The following ERC2 variants were observed in gnomAD, a reference collection of about 807,000 sequenced individuals.
ERC2 encodes ELKS/RAB6-interacting/CAST family member 2.
A neutral mutation model predicts 114.8 loss-of-function variants in ERC2; 42 were observed. That is an observed-to-expected ratio of 0.37 (90% CI 0.29 to 0.47). The LOEUF is 0.47. ERC2 is among the 20% of genes least tolerant of loss of function. ERC2 has a pLI of 0.99. For synonymous variants in ERC2, 454 were observed against 425.5 expected, an observed-to-expected ratio of 1.07 and a Z score of -0.82; for missense variants, 939 against 1,150.7, an observed-to-expected ratio of 0.82 and a Z score of 2.66.
rs1576203877 is a variant in ERC2, at chr3:55,700,678, A to G, written c.2713-1166T>C. On this transcript the variant is annotated intron_variant, in intron 15 of 17. Transcript: ENST00000288221. Reference sequence around the variant, plus strand: ...CCCCCTTTCTTCACCTTTAACTTCTATGTCTGGCTAACTCAAACTATTTAA... The same window carrying G: ...CCCCCTTTCTTCACCTTTAACTTCTGTGTCTGGCTAACTCAAACTATTTAA... 2.0e-5 allele frequency among the ~76,000 whole-genome samples: 3 copies of G among 151,796 alleles called. No individual in the cohort carries two copies. The South Asian group carries it at 6.2e-4, about 32-fold the overall frequency.
intron 1 of ERC2, among the ~76,000 whole-genome samples, chr3:56,453,688 A>G (rs779385002): frequency 1.3e-5 from 2 of 152,146 alleles, no homozygotes; most frequent in Non-Finnish European, 2.9e-5. Flanking sequence ...CATACAACCA[A>G]CTATTTTAAT....
In ERC2 at chr3:56,246,095, A is replaced by C. The variant is rs1477380956; in HGVS notation, c.1074+49924T>G. On this transcript the variant is annotated intron_variant, in intron 3 of 17. Coordinates refer to ENST00000288221, the MANE Select transcript of ERC2 (RefSeq NM_015576.3). ...CATCAGTTTTTCCTCAGATTCTTTA[A>C]AAAAAAAAAAAAAAAAAAAACTCAT... Among the ~76,000 whole-genome samples the C allele has an allele frequency of 7.2e-3, 25 of 3,474 alleles. No homozygotes were observed. The Admixed American group carries it at 0.1, about 15-fold the overall frequency. The allele number at this position is 3,474 out of a possible 152,430, so 2.3% of individuals were successfully genotyped here. A position where few individuals can be genotyped will look rare whatever the true frequency, so the allele number is the denominator to read the frequency against.
intron 2 of ERC2, among the ~76,000 whole-genome samples, chr3:56,366,646 C>T (rs912539843): frequency 1.1e-4 from 17 of 152,186 alleles, no homozygotes; most frequent in African/African-American, 3.1e-4. Flanking sequence ...CAAGCCATTC[C>T]TTTTCATCCA....
At position 55,729,837 on chromosome 3, in the gene ERC2, C is replaced by CAAAAAAAAAAAAAAAAAAAAAAAA. The variant is rs71096498; in HGVS notation, c.2712+4910_2712+4933dup. ...AGGGTAATGCAGTGAGACTCTATCG[C>CAAAAAAAAAAAAAAAAAAAAAAAA]AAAAAAAAAAAAAAAAAAAAAAAAA... On this transcript the variant is annotated intron_variant, in intron 15 of 17. Coordinates refer to ENST00000288221, the MANE Select transcript of ERC2 (RefSeq NM_015576.3). 2.4e-4 allele frequency among the ~76,000 whole-genome samples: 15 copies of CAAAAAAAAAAAAAAAAAAAAAAAA among 61,636 alleles called. 4 individuals are homozygous for CAAAAAAAAAAAAAAAAAAAAAAAA. Among genetic ancestry groups the CAAAAAAAAAAAAAAAAAAAAAAAA allele is most frequent in the African/African-American group, 1.0e-3 (12 of 11,690 alleles). The allele number at this position is 61,636 out of a possible 152,430, so 40.4% of individuals were successfully genotyped here.
intron 12 of ERC2, among the ~76,000 whole-genome samples, chr3:55,953,922 GTA>G (rs1171977838): frequency 1.3e-5 from 2 of 151,920 alleles, no homozygotes; most frequent in Non-Finnish European, 2.9e-5. Flanking sequence ...GCTAAATTCA[GTA>G]CAGCTTTCAA....
chr3:56,310,981 C>A (rs2056503751), intron 2 of ERC2, among the ~76,000 whole-genome samples: 1 of 151,590 alleles, frequency 6.6e-6, no homozygotes, highest in Admixed American at 6.6e-5. Context: ...GTAGGATAGT[C>A]CTGAGAAACA....
chr3:55,776,804 A>T (rs1215449482), intron 14 of ERC2, among the ~76,000 whole-genome samples: 1 of 152,206 alleles, frequency 6.6e-6, no homozygotes. Flanking sequence ...CATACAGTGG[A>T]GTAACATAGC....
chr3:55,779,186 A>T (rs1274589775), intron 14 of ERC2, among the ~76,000 whole-genome samples: 1 of 152,080 alleles, frequency 6.6e-6, no homozygotes, highest in African/African-American at 2.4e-5. Context: ...GCTGCTTAAA[A>T]AGTTCTGGAA....
intron 17 of ERC2, among the ~76,000 whole-genome samples, chr3:55,511,971 G>T (rs1027554796): frequency 6.6e-6 from 1 of 152,222 alleles, no homozygotes; most frequent in Admixed American, 6.5e-5. Context: ...AACTTTGTGT[G>T]CCTGTGCCAT....
intron 14 of ERC2, among the ~76,000 whole-genome samples, chr3:55,872,843 C>T (rs535648518): frequency 6.6e-6 from 1 of 152,320 alleles, no homozygotes; most frequent in African/African-American, 2.4e-5. Context: ...GTCCATATTT[C>T]AGGAAAGAGC....
At chr3:55,561,017 C>T (rs11720302) in intron 17 of ERC2, among the ~76,000 whole-genome samples, 20,070 of 152,066 alleles carry the variant, frequency 0.13, 1,409 homozygotes, top group South Asian at 0.2. Context: ...CTCTTCATGG[C>T]TTGGGAAACC....
intron 2 of ERC2, among the ~76,000 whole-genome samples, chr3:56,405,426 C>CA (rs1454458064): frequency 8.7e-5 from 13 of 149,398 alleles, no homozygotes; most frequent in African/African-American, 3.0e-4. Context: ...GAATCCATCT[C>CA]AAAAAAGGAA....
chr3:55,666,551 G>A (rs1463886694), intron 17 of ERC2, among the ~76,000 whole-genome samples: 1 of 152,166 alleles, frequency 6.6e-6, no homozygotes, highest in Non-Finnish European at 1.5e-5. Flanking sequence ...GAAAAGCAGT[G>A]GTTCCCAACC....
At chr3:56,018,809 A>G in intron 8 of ERC2, 85 bp downstream of exon 8, 2 of 1,431,606 alleles carry the variant, frequency 1.4e-6, no homozygotes, top group Non-Finnish European at 1.9e-6. Flanking sequence ...GAAGAAAAGC[A>G]GGCACATTTA....
At chr3:55,592,068 G>A (rs1200223519) in intron 17 of ERC2, among the ~76,000 whole-genome samples, 1 of 152,180 alleles carries the variant, frequency 6.6e-6, no homozygotes, top group East Asian at 1.9e-4. Context: ...GTAGGCAGGG[G>A]AGGAACTTAG....
chr3:56,020,764 G>A (rs976230757), intron 7 of ERC2, among the ~76,000 whole-genome samples: 2 of 152,150 alleles, frequency 1.3e-5, no homozygotes, highest in African/African-American at 2.4e-5. Context: ...AGTGCCCTGG[G>A]CATAAGAGGA....
intron 17 of ERC2, among the ~76,000 whole-genome samples, chr3:55,583,537 CTTCCTTT>C (rs1559693472): frequency 3.7e-4 from 19 of 50,946 alleles, no homozygotes; most frequent in East Asian, 2.9e-3. Context: ...TCCTTCCTTC[CTTCCTTT>C]CTTCCTTCCT....
chr3:55,986,027 A>C, intron 11 of ERC2, 39 bp from the exon 12 acceptor site: 1 of 1,535,192 alleles, frequency 6.5e-7, no homozygotes, highest in South Asian at 1.2e-5. Flanking sequence ...TTTGGAGGAT[A>C]AGCAGAAAGG....
intron 14 of ERC2, among the ~76,000 whole-genome samples, chr3:55,749,327 C>T (rs937312): frequency 0.22 from 33,163 of 152,122 alleles, 4,142 homozygotes; most frequent in Admixed American, 0.31. Flanking sequence ...CCCAGCTCCA[C>T]TGACCAACAA....
Sources: gnomAD v4.1 joint callset for allele counts (sites outside exome capture counted in the v4.1 genomes callset) on GRCh38, gnomAD v4.1.1 for gene constraint, MANE v1.5 for transcripts, NCBI Gene and HGNC (gene_info 2026-07-23, HGNC 2026-07-21) for gene names.